Variants in ARL15 observed in about 807,000 individuals in gnomAD.
The protein encoded by ARL15 is ARF like GTPase 15, also known as ADP-ribosylation factor-like protein 15.
ARL15 carries 19 observed loss-of-function variants against 25.2 expected under a neutral mutation model. That is an observed-to-expected ratio of 0.75 (90% CI 0.53 to 1.10). ARL15 has a LOEUF of 1.10. ARL15 is among the 50% of genes least tolerant of loss of function. The pLI, the probability that ARL15 is intolerant of heterozygous loss-of-function variation, is 0.00. For missense variants in ARL15, 220 were observed against 246.0 expected, an observed-to-expected ratio of 0.89 and a Z score of 0.71; for synonymous variants, 94 against 86.8, an observed-to-expected ratio of 1.08 and a Z score of -0.46.
chr5:54,107,266 T>C (rs1752618282), intron 4 of ARL15, among the ~76,000 whole-genome samples: 3 of 152,098 alleles, frequency 2.0e-5, no homozygotes, highest in Non-Finnish European at 4.4e-5. Context: ...GTGAGAATTC[T>C]GGGAGATACA....
chr5:53,981,471 CTGCAAGCAACTGATACT>C, intron 4 of ARL15, among the ~76,000 whole-genome samples: 1 of 152,192 alleles, frequency 6.6e-6, no homozygotes, highest in Non-Finnish European at 1.5e-5. Flanking sequence ...AGAACACAGT[CTGCAAGCAACTGATACT>C]CTGTGAGCAG....
At chr5:53,918,013 A>G (rs528157572) in intron 4 of ARL15, among the ~76,000 whole-genome samples, 3 of 152,320 alleles carry the variant, frequency 2.0e-5, no homozygotes, top group African/African-American at 7.2e-5. Flanking sequence ...TAGAAATCAT[A>G]CGACATATGC....
intron 1 of ARL15, among the ~76,000 whole-genome samples, chr5:54,189,362 A>T (rs999158174): frequency 6.6e-6 from 1 of 152,150 alleles, no homozygotes; most frequent in East Asian, 1.9e-4. Context: ...ACAAAGAACA[A>T]AGCTGGAGCT....
At chr5:54,200,193 T>C (rs1398282855) in intron 1 of ARL15, among the ~76,000 whole-genome samples, 1 of 151,054 alleles carries the variant, frequency 6.6e-6, no homozygotes, top group African/African-American at 2.4e-5. Context: ...TACATAATGC[T>C]AGATGACGAG....
At chr5:53,931,000 G>A (rs2112050284) in intron 4 of ARL15, among the ~76,000 whole-genome samples, 1 of 152,142 alleles carries the variant, frequency 6.6e-6, no homozygotes, top group African/African-American at 2.4e-5. Flanking sequence ...ATTGAGTCAA[G>A]GGAAAGGTCA....
chr5:54,251,960 A>G (rs1035658094), intron 1 of ARL15, among the ~76,000 whole-genome samples: 2 of 152,256 alleles, frequency 1.3e-5, no homozygotes, highest in African/African-American at 4.8e-5. Flanking sequence ...GTTGACAACC[A>G]GTGAAGCAGA....
At chr5:53,948,866 C>G (rs1426988372) in intron 4 of ARL15, among the ~76,000 whole-genome samples, 1 of 152,078 alleles carries the variant, frequency 6.6e-6, no homozygotes, top group East Asian at 1.9e-4. Flanking sequence ...ATGAGACATG[C>G]TACTGAAACA....
intron 3 of ARL15, among the ~76,000 whole-genome samples, chr5:54,144,536 C>A (rs1389284166): frequency 6.6e-6 from 1 of 152,168 alleles, no homozygotes; most frequent in African/African-American, 2.4e-5. Context: ...TTCTTCTGAT[C>A]ACTCTATTAC....
intron 1 of ARL15, among the ~76,000 whole-genome samples, chr5:54,293,973 G>A (rs1427763340): frequency 1.3e-5 from 2 of 152,054 alleles, no homozygotes; most frequent in African/African-American, 2.4e-5. Context: ...CTACAGGCAC[G>A]TGCCACCCAC....
rs1291065776 is a variant in ARL15 at position 54,224,708 on chromosome 5, A to T, written c.49-52780T>A. 1.3e-5 allele frequency among the ~76,000 whole-genome samples: 2 copies of T among 152,118 alleles called. 1 individual carries two copies. Among genetic ancestry groups the T allele is most frequent in the Admixed American group, 1.3e-4 (2 of 15,268 alleles). ...GGAGTGGTGGGAAGGGAAGGGAGAG[A>T]ATATTCATTTTTTTACTTTATAACA... On this transcript the variant is annotated intron_variant, in intron 1 of 4. Coordinates refer to ENST00000504924, the MANE Select transcript of ARL15 (RefSeq NM_019087.3).
chr5:54,283,111 T>C (rs1398036687), intron 1 of ARL15, among the ~76,000 whole-genome samples: 1 of 152,210 alleles, frequency 6.6e-6, no homozygotes. Flanking sequence ...GTCATAAATC[T>C]CAGCAATCAC....
At chr5:54,296,169 C>G (rs1443906824) in intron 1 of ARL15, among the ~76,000 whole-genome samples, 4 of 152,184 alleles carry the variant, frequency 2.6e-5, no homozygotes, top group African/African-American at 4.8e-5. Flanking sequence ...TTACCCTACA[C>G]TATGCGTATT....
chr5:54,055,550 G>A (rs538319666), intron 4 of ARL15, among the ~76,000 whole-genome samples: 3 of 151,892 alleles, frequency 2.0e-5, no homozygotes, highest in East Asian at 3.9e-4. Context: ...TAGTAGAGAC[G>A]AGGTTTCACC....
At chr5:54,213,815 A>T (rs1248145428) in intron 1 of ARL15, among the ~76,000 whole-genome samples, 2 of 152,200 alleles carry the variant, frequency 1.3e-5, no homozygotes, top group Non-Finnish European at 2.9e-5. Context: ...AATTATTTTA[A>T]CTTAGTACCA....
At chr5:54,072,345 AAAAACCT>A (rs1341884554) in intron 4 of ARL15, among the ~76,000 whole-genome samples, 1 of 152,196 alleles carries the variant, frequency 6.6e-6, no homozygotes, top group Non-Finnish European at 1.5e-5. Context: ...GGACAGTGTG[AAAAACCT>A]AATTGCAGCT....
chr5:54,047,910 A>G (rs535440576), intron 4 of ARL15: 38 of 152,268 alleles, frequency 2.5e-4, no homozygotes, highest in South Asian at 2.1e-4. Flanking sequence ...TTTACCCTAT[A>G]TCTTTCTCTA....
Position 53,920,659 on chromosome 5 carries a change from A to AAATG in ARL15, c.463-33947_463-33946insCATT, listed in dbSNP as rs1348190900. On this transcript the variant is annotated intron_variant, in intron 4 of 4. Coordinates refer to ENST00000504924, the MANE Select transcript of ARL15 (RefSeq NM_019087.3). ...CTGTCTCTATTAAAAAATAATAAAT[A>AAATG]AATAAATAAATAAATAAATAAATAA... is the stretch of plus-strand genomic sequence containing the variant. 6.3e-5 allele frequency among the ~76,000 whole-genome samples: 9 copies of AAATG among 143,690 alleles called. No homozygotes were observed. The East Asian group carries it at 1.8e-3, about 28-fold the overall frequency. 94.3% of individuals were successfully genotyped at this position (143,690 alleles called of 152,430 possible). A position where few individuals can be genotyped will look rare whatever the true frequency, so the allele number is the denominator to read the frequency against.
At chr5:54,100,759 G>C (rs1752412340) in intron 4 of ARL15, among the ~76,000 whole-genome samples, 1 of 152,024 alleles carries the variant, frequency 6.6e-6, no homozygotes, top group Non-Finnish European at 1.5e-5. Flanking sequence ...GTTTCATTTT[G>C]TTGCTAAAGA....
chr5:54,097,935 C>T (rs1752334660), intron 4 of ARL15, among the ~76,000 whole-genome samples: 1 of 152,278 alleles, frequency 6.6e-6, no homozygotes, highest in African/African-American at 2.4e-5. Flanking sequence ...CACAAACACA[C>T]TCCTACAGCA....
Sources: gnomAD v4.1 joint callset for allele counts (sites outside exome capture counted in the v4.1 genomes callset) on GRCh38, gnomAD v4.1.1 for gene constraint, MANE v1.5 for transcripts, NCBI Gene and HGNC (gene_info 2026-07-23, HGNC 2026-07-21) for gene names.